CAMK1D: variants seen among roughly 807,000 people sequenced by gnomAD.
The protein encoded by CAMK1D is calcium/calmodulin-dependent protein kinase type 1D.
CAMK1D carries 9 observed loss-of-function variants against 47.7 expected under a neutral mutation model. The ratio of observed to expected loss-of-function variants is 0.19; its 90% CI spans 0.11 to 0.33. CAMK1D has a LOEUF of 0.33. Ranked by LOEUF, CAMK1D falls within the 10% of genes least tolerant of loss-of-function variation. CAMK1D has a pLI of 1.00. For missense variants in CAMK1D, 291 were observed against 488.7 expected (o/e 0.60, Z 3.81); for synonymous variants, 184 against 184.9 (o/e 0.99, Z 0.04).
At chr10:12,582,911 G>A (rs1448715717) in intron 2 of CAMK1D, among the ~76,000 whole-genome samples, 1 of 152,186 alleles carries the variant, frequency 6.6e-6, no homozygotes, top group African/African-American at 2.4e-5. Context: ...AGTCCAGGAC[G>A]CAGAAGTCCT....
chr10:12,469,709 G>A (rs1833692834), intron 1 of CAMK1D, among the ~76,000 whole-genome samples: 2 of 152,182 alleles, frequency 1.3e-5, no homozygotes, highest in African/African-American at 2.4e-5. Flanking sequence ...ATTTTAAAAT[G>A]TGCACCTTCT....
chr10:12,810,001 A>T (rs1433706542), intron 6 of CAMK1D, among the ~76,000 whole-genome samples: 1 of 151,684 alleles, frequency 6.6e-6, no homozygotes, highest in Admixed American at 6.6e-5. Flanking sequence ...AAAAAAAAAT[A>T]GCTGGGCATG....
intron 1 of CAMK1D, among the ~76,000 whole-genome samples, chr10:12,510,890 T>G (rs1010780203): frequency 1.3e-5 from 2 of 152,188 alleles, no homozygotes; most frequent in African/African-American, 4.8e-5. Flanking sequence ...CACAATTGAT[T>G]TCTCATTTCT....
At position 12,471,701 on chromosome 10, in the gene CAMK1D, T is replaced by C. The variant is rs187279845; in HGVS notation, c.93-81524T>C. On this transcript the variant is annotated intron_variant, in intron 1 of 10. Coordinates refer to ENST00000619168, the MANE Select transcript of CAMK1D (RefSeq NM_153498.4). ...TGATTTCTTCCTTTCCTGCGAGCAC[T>C]ATTTATTCCTTTCCTGCTAAGGAGA... Among the ~76,000 whole-genome samples the C allele has an allele frequency of 6.8e-4, 104 of 152,262 alleles. No homozygotes were observed. The Middle Eastern group carries it at 0.01, about 15-fold the overall frequency.
chr10:12,792,955 T>C (rs1306309332), intron 6 of CAMK1D, among the ~76,000 whole-genome samples: 1 of 101,316 alleles, frequency 9.9e-6, no homozygotes, highest in African/African-American at 5.9e-5. Flanking sequence ...ATCACATGTG[T>C]GCGCGCACAC....
chr10:12,473,424 ACT>A (rs971947027), intron 1 of CAMK1D, among the ~76,000 whole-genome samples: 2 of 151,842 alleles, frequency 1.3e-5, no homozygotes, highest in African/African-American at 4.8e-5. Flanking sequence ...ACAGAGCGAG[ACT>A]CTGACTCAAA....
At chr10:12,541,403 A>G (rs548456593) in intron 1 of CAMK1D, among the ~76,000 whole-genome samples, 48 of 152,164 alleles carry the variant, frequency 3.2e-4, no homozygotes, top group African/African-American at 1.1e-3. Flanking sequence ...TTGCTCTGTG[A>G]CCCAGGCTGG....
At position 12,615,593 on chromosome 10, in the gene CAMK1D, AT is replaced by A. The variant is rs535709234; in HGVS notation, c.225-51141del. Among the ~76,000 whole-genome samples, 67 of 16,476 alleles carry A rather than the reference AT, an allele frequency of 4.1e-3. 3 individuals carry two copies. The highest frequency in any genetic ancestry group is 0.016 in the East Asian group (2 of 128). The allele number at this position is 16,476 out of a possible 152,430, so 10.8% of individuals were successfully genotyped here. A position where few individuals can be genotyped will look rare whatever the true frequency, so the allele number is the denominator to read the frequency against. ...TGTGTGTGCGTGTGTGTAGGTGTGT[AT>A]TGTGTTTGCAAGTATGTATACGTAT... On this transcript the variant is annotated intron_variant, in intron 2 of 10. Transcript: ENST00000619168.
chr10:12,454,257 G>T (rs1833174480), intron 1 of CAMK1D, among the ~76,000 whole-genome samples: 1 of 152,180 alleles, frequency 6.6e-6, no homozygotes, highest in South Asian at 2.1e-4. Context: ...CCGCCTCCTG[G>T]GTTCAAGCAA....
chr10:12,462,156 G>GT (rs57336292), intron 1 of CAMK1D, among the ~76,000 whole-genome samples: 11 of 79,642 alleles, frequency 1.4e-4, no homozygotes, highest in East Asian at 5.0e-4. Context: ...CCTATGAAGA[G>GT]TTTTTTTTTT....
chr10:12,428,728 A>T (rs956813558), intron 1 of CAMK1D, among the ~76,000 whole-genome samples: 7 of 152,104 alleles, frequency 4.6e-5, no homozygotes, highest in Non-Finnish European at 8.8e-5. Context: ...TCCCCACGAA[A>T]TTTCTCTGTT....
chr10:12,504,943 G>T (rs1406183012), intron 1 of CAMK1D, among the ~76,000 whole-genome samples: 2 of 152,182 alleles, frequency 1.3e-5, no homozygotes, highest in Non-Finnish European at 2.9e-5. Context: ...GTCTGAAGTG[G>T]TGCTGCTTAG....
chr10:12,616,721 G>T (rs1337765175), intron 2 of CAMK1D, among the ~76,000 whole-genome samples: 1 of 152,150 alleles, frequency 6.6e-6, no homozygotes, highest in East Asian at 1.9e-4. Context: ...GTTTCACCTT[G>T]TTAGCCAGGA....
chr10:12,605,180 C>T (rs1007589544), intron 2 of CAMK1D, among the ~76,000 whole-genome samples: 5 of 152,114 alleles, frequency 3.3e-5, no homozygotes, highest in East Asian at 1.9e-4. Context: ...GCCACCGTGC[C>T]GGGTACCAGT....
At chr10:12,738,445 C>T (rs1835276744) in intron 3 of CAMK1D, among the ~76,000 whole-genome samples, 1 of 152,208 alleles carries the variant, frequency 6.6e-6, no homozygotes, top group Non-Finnish European at 1.5e-5. Context: ...GGAATGGCAT[C>T]ATCCAAAATG....
chr10:12,816,606 C>G (rs1351768903), intron 8 of CAMK1D, among the ~76,000 whole-genome samples: 1 of 152,058 alleles, frequency 6.6e-6, no homozygotes, highest in Non-Finnish European at 1.5e-5. Flanking sequence ...CATGGTGGCT[C>G]ATGCCTGTAA....
intron 2 of CAMK1D, among the ~76,000 whole-genome samples, chr10:12,631,039 G>A (rs541099233): frequency 6.6e-6 from 1 of 152,170 alleles, no homozygotes; most frequent in South Asian, 2.1e-4. Context: ...TGGAAAGTAT[G>A]CAGTGATTTA....
chr10:12,446,992 C>T (rs1043138077), intron 1 of CAMK1D, among the ~76,000 whole-genome samples: 1 of 152,192 alleles, frequency 6.6e-6, no homozygotes, highest in Non-Finnish European at 1.5e-5. Context: ...CCCAATTCAT[C>T]CTAAGACATT....
At chr10:12,387,812 A>C (rs1588430875) in intron 1 of CAMK1D, among the ~76,000 whole-genome samples, 1 of 152,020 alleles carries the variant, frequency 6.6e-6, no homozygotes, top group Non-Finnish European at 1.5e-5. Flanking sequence ...TTTATGTCAT[A>C]ATAATTGCTC....
Sources: gnomAD v4.1 joint callset for allele counts (sites outside exome capture counted in the v4.1 genomes callset) on GRCh38, gnomAD v4.1.1 for gene constraint, MANE v1.5 for transcripts, NCBI Gene and HGNC (gene_info 2026-07-23, HGNC 2026-07-21) for gene names.